The following ICA1L variants were observed in gnomAD, a reference collection of about 807,000 sequenced individuals.
The protein encoded by ICA1L is islet cell autoantigen 1 like.
ICA1L carries 50 observed loss-of-function variants against 61.3 expected under a neutral mutation model. That is an observed-to-expected ratio of 0.82 (90% CI 0.65 to 1.03). The LOEUF is 1.03. ICA1L is among the 50% of genes least tolerant of loss of function. ICA1L has a pLI of 0.00. For synonymous variants in ICA1L, 161 were observed against 191.3 expected (o/e 0.84, Z 1.31); for missense variants, 508 against 556.7 (o/e 0.91, Z 0.88).
intron 12 of ICA1L, among the ~76,000 whole-genome samples, chr2:202,780,490 T>TAAAG (rs1372975380): frequency 1.2e-4 from 19 of 152,146 alleles, no homozygotes; most frequent in Non-Finnish European, 2.2e-4. Context: ...TTGGGACTAA[T>TAAAG]AAAGAATGCA....
rs142242414 is a variant in ICA1L, at chr2:202,833,564, G to A, written c.-7-4548C>T. The stretch of plus-strand genomic sequence containing the variant: ...CACACCACTGCACTCCAGCCTGGGC[G>A]ACAGAGTGACAGCCTGTCTCTAAAA... On this transcript the variant is annotated intron_variant, in intron 1 of 12. Transcript: ENST00000358299. 2.8e-3 allele frequency among the ~76,000 whole-genome samples: 419 copies of A among 152,080 alleles called. 4 individuals carry two copies. Among genetic ancestry groups the A allele is most frequent in the African/African-American group, 9.7e-3 (401 of 41,492 alleles).
chr2:202,788,982 A>T lies in ICA1L; in HGVS notation c.1091T>A (p.Phe364Tyr). 1 of 1,614,154 alleles carries T rather than the reference A, an allele frequency of 6.2e-7. No homozygotes were observed. Residue 364 changes from phenylalanine (F) to tyrosine (Y), a missense_variant, in exon 11 of 13, where the codon TTT (phenylalanine) becomes TAT (tyrosine). Physicochemically the swap from Phe to Tyr is conservative, Grantham distance 22. Coordinates refer to ENST00000358299, the MANE Select transcript of ICA1L (RefSeq NM_001288622.3). ...AAAGGCAGTCTGGCATTCTTGGGTA[A>T]ATTCACTAGTACTTGAAGAACCAGA... The part of the protein sequence containing the change: ...LSSGSSSTSE[F>Y]TQECQTAFGS...
At chr2:202,802,386 A>T (rs1693106822) in intron 9 of ICA1L, among the ~76,000 whole-genome samples, 2 of 152,164 alleles carry the variant, frequency 1.3e-5, no homozygotes, top group South Asian at 4.1e-4. Flanking sequence ...AAAATGGAGG[A>T]GAGAGACTAT....
In ICA1L at chr2:202,809,650, C is replaced by G. The variant is rs550991557; in HGVS notation, c.910+2096G>C. ...GGGCAACAAGAGTGAAACTCCATCT[C>G]AAAAAAAAAAAAATTAGCTGGGCGT... On this transcript the variant is annotated intron_variant, in intron 9 of 12. Transcript: ENST00000358299. Among the ~76,000 whole-genome samples, 3 of 139,920 alleles carry G rather than the reference C, an allele frequency of 2.1e-5. No homozygotes were observed. In the South Asian group the frequency reaches 6.8e-4, roughly 32 times the overall value. 91.8% of individuals were successfully genotyped at this position (139,920 alleles called of 152,430 possible).
chr2:202,798,858 A>C (rs1693012806), intron 9 of ICA1L, among the ~76,000 whole-genome samples: 1 of 152,164 alleles, frequency 6.6e-6, no homozygotes, highest in Non-Finnish European at 1.5e-5. Flanking sequence ...CCCACATATA[A>C]GTGAGAATGT....
At position 202,817,405 on chromosome 2, in the gene ICA1L, T is replaced by C; in HGVS notation, c.684+13A>G. The C allele has an allele frequency of 1.3e-6, 2 of 1,564,808 alleles. No individual in the cohort carries two copies. The highest frequency in any genetic ancestry group is 2.4e-5 in the East Asian group (1 of 42,524). On this transcript the variant is annotated intron_variant, in intron 6 of 12. Coordinates refer to ENST00000358299, the MANE Select transcript of ICA1L (RefSeq NM_001288622.3). Reference sequence around the variant, plus strand: ...CTTTACTGCAAGGATATGCTGACCATGGAGGTGGGTACCTGGTAGGTAGTG... The same window carrying C: ...CTTTACTGCAAGGATATGCTGACCACGGAGGTGGGTACCTGGTAGGTAGTG...
At chr2:202,847,730 G>C (rs191079537) in intron 1 of ICA1L, among the ~76,000 whole-genome samples, 1 of 71,644 alleles carries the variant, frequency 1.4e-5, no homozygotes, top group East Asian at 6.4e-4. Context: ...GAGAACAAAT[G>C]AGACCTTCAA....
chr2:202,841,126 C>T, intron 1 of ICA1L: 1 of 639,916 alleles, frequency 1.6e-6, no homozygotes, highest in South Asian at 1.6e-5. Context: ...TTGATCTCTT[C>T]AGTCAGCCCT....
At chr2:202,845,528 G>A (rs1277982633) in intron 1 of ICA1L, among the ~76,000 whole-genome samples, 2 of 151,870 alleles carry the variant, frequency 1.3e-5, no homozygotes, top group Non-Finnish European at 2.9e-5. Flanking sequence ...TTGGGAGGCT[G>A]AGGCAGAAGA....
At position 202,785,923 on chromosome 2, in the gene ICA1L, G is replaced by A; in HGVS notation, c.1328C>T (p.Thr443Ile). ...TATATAAATAAATAACTTACATCTT[G>A]TTAATTTCTTTGGACTCTGTGAAGG... Reference protein sequence around the residue: ...PVPSQSPKKLTRSPNNGNQDM... With the variant: ...PVPSQSPKKLIRSPNNGNQDM... The change falls in exon 12 of 13, where the codon ACA becomes ATA. Residue 443 changes from threonine (T) to isoleucine (I), a missense_variant. Physicochemically the swap from Thr to Ile is moderately conservative, Grantham distance 89 (BLOSUM62 -1). Coordinates refer to ENST00000358299, the MANE Select transcript of ICA1L (RefSeq NM_001288622.3). 1 of 1,543,438 alleles carries A rather than the reference G, an allele frequency of 6.5e-7. No homozygotes were observed. The highest frequency in any genetic ancestry group is 8.9e-7 in the Non-Finnish European group (1 of 1,120,806).
chr2:202,840,229 A>C, intron 1 of ICA1L: 1 of 424,596 alleles, frequency 2.4e-6, no homozygotes, highest in Non-Finnish European at 4.7e-6. Context: ...GCTGAGCCTC[A>C]GGTGGGTCTC....
chr2:202,814,461 G>A (rs868806998), intron 8 of ICA1L, among the ~76,000 whole-genome samples: 4 of 152,140 alleles, frequency 2.6e-5, no homozygotes, highest in South Asian at 2.1e-4. Context: ...CCAGGGCCAC[G>A]CTCTTGAACT....
intron 1 of ICA1L, among the ~76,000 whole-genome samples, chr2:202,839,498 CAAAAAAAAAA>C (rs59202140): frequency 4.3e-4 from 11 of 25,422 alleles, no homozygotes; most frequent in Admixed American, 9.9e-4. Flanking sequence ...GACTCCGTCT[CAAAAAAAAAA>C]AAAAAAAAAA....
chr2:202,864,771 CA>C (rs1687440435), intron 1 of ICA1L, among the ~76,000 whole-genome samples: 1 of 152,128 alleles, frequency 6.6e-6, no homozygotes, highest in African/African-American at 2.4e-5. Flanking sequence ...GTAATCCCAG[CA>C]CTTTAGGAGG....
Position 202,851,855 on chromosome 2 carries a change from GT to G in ICA1L, c.-8+19763del, listed in dbSNP as rs760439782. Among the ~76,000 whole-genome samples the G allele has an allele frequency of 3.6e-3, 550 of 152,038 alleles. 2 individuals are homozygous for G. Among genetic ancestry groups the G allele is most frequent in the Non-Finnish European group, 6.7e-3 (454 of 67,956 alleles). ...TATCCTTCTCCCACTTTGTGATGGGGTTTTTTTTCCTTGTAAATTTGTTTGA... is the reference window on the plus strand; with the variant it reads ...TATCCTTCTCCCACTTTGTGATGGGGTTTTTTTCCTTGTAAATTTGTTTGA... On this transcript the variant is annotated intron_variant, in intron 1 of 12. Coordinates refer to ENST00000358299, the MANE Select transcript of ICA1L (RefSeq NM_001288622.3).
rs985765667 is a variant in ICA1L, at chr2:202,773,441, A to T, written c.*6092T>A. ...ATGACTCTTAGATGAATGGAATAAG[A>T]AGTAGTCATCACATGTCAATTAGGG... On this transcript the variant is annotated 3_prime_UTR_variant, in exon 13 of 13. Coordinates refer to ENST00000358299, the MANE Select transcript of ICA1L (RefSeq NM_001288622.3). 7 of 213,324 alleles carry T rather than the reference A, an allele frequency of 3.3e-5. No individual in the cohort carries two copies. The highest frequency in any genetic ancestry group is 1.6e-4 in the Admixed American group (3 of 19,086). 13.2% of individuals were successfully genotyped at this position (213,324 alleles called of 1,614,324 possible).
In ICA1L at chr2:202,840,821, A is replaced by G. The variant is rs563665249; in HGVS notation, c.-7-11805T>C. The G allele has an allele frequency of 5.5e-5, 34 of 614,690 alleles. No homozygotes were observed. In the East Asian group the frequency reaches 1.0e-3, roughly 19 times the overall value. 38.1% of individuals were successfully genotyped at this position (614,690 alleles called of 1,614,324 possible). On this transcript the variant is annotated intron_variant, in intron 1 of 12. Coordinates refer to ENST00000358299, the MANE Select transcript of ICA1L (RefSeq NM_001288622.3). ...AACTCTCTGGCCTTTGAGGCCCTCA[A>G]TCTCAGCCTGGAGCTGGCTGACGTT...
rs1007210643 is a variant in ICA1L at position 202,828,877 on chromosome 2, A to G, written c.133T>C (p.Ser45Pro). The G allele has an allele frequency of 6.2e-7, 1 of 1,614,058 alleles. No individual in the cohort carries two copies. The highest frequency in any genetic ancestry group is 8.5e-7 in the Non-Finnish European group (1 of 1,179,980). Residue 45 changes from serine (S) to proline (P), a missense_variant, in exon 2 of 13, where the codon TCT (serine) becomes CCT (proline). Coordinates refer to ENST00000358299, the MANE Select transcript of ICA1L (RefSeq NM_001288622.3). ...AGTTTAGCATCCAGTTCAGCATCAG[A>G]CGCCACCAAGTGCTCATCCTCTTTT... ...GKKEDEHLVA[S>P]DAELDAKLEV...
intron 1 of ICA1L, among the ~76,000 whole-genome samples, chr2:202,870,159 G>A (rs116639868): frequency 6.6e-5 from 10 of 152,276 alleles, no homozygotes; most frequent in African/African-American, 2.4e-4. Context: ...TGGCAGTATA[G>A]TAGAACAAGA....
Sources: allele counts gnomAD v4.1 joint callset (sites outside exome capture counted in the v4.1 genomes callset), GRCh38; gene constraint gnomAD v4.1.1; transcripts MANE v1.5; gene names NCBI Gene and HGNC (gene_info 2026-07-23, HGNC 2026-07-21).